The following RANBP9 variants were observed in gnomAD, a reference collection of about 807,000 sequenced individuals.
The protein encoded by RANBP9 is ran-binding protein 9.
A neutral mutation model predicts 84.3 loss-of-function variants in RANBP9; 15 were observed. The ratio of observed to expected loss-of-function variants is 0.18; its 90% CI spans 0.12 to 0.27. RANBP9 has a LOEUF of 0.27. Ranked by LOEUF, RANBP9 falls within the 10% of genes least tolerant of loss-of-function variation. The probability of loss-of-function intolerance (pLI) is 1.00; values close to 1 mark genes in which losing one functional copy is unlikely to be tolerated. For missense variants in RANBP9, 809 were observed against 912.8 expected (o/e 0.89, Z 1.46); for synonymous variants, 392 against 349.6 (o/e 1.12, Z -1.35).
intron 2 of RANBP9, among the ~76,000 whole-genome samples, chr6:13,681,255 G>T (rs2113329004): frequency 6.6e-6 from 1 of 152,220 alleles, no homozygotes; most frequent in East Asian, 1.9e-4. Context: ...GTTGTGAGGA[G>T]TTGGGGGTGG....
intron 2 of RANBP9, among the ~76,000 whole-genome samples, chr6:13,672,863 C>T (rs1362065685): frequency 6.7e-6 from 1 of 149,846 alleles, no homozygotes; most frequent in Non-Finnish European, 1.5e-5. Flanking sequence ...AAAAAAACAA[C>T]AATCAGTGAG....
chr6:13,660,314 G>A (rs1312152323), intron 2 of RANBP9, among the ~76,000 whole-genome samples: 1 of 152,128 alleles, frequency 6.6e-6, no homozygotes, highest in Non-Finnish European at 1.5e-5. Flanking sequence ...TTCAAGACCA[G>A]CCTGGGCAAC....
At chr6:13,697,439 C>T (rs1757866000) in intron 1 of RANBP9, among the ~76,000 whole-genome samples, 1 of 152,158 alleles carries the variant, frequency 6.6e-6, no homozygotes, top group Non-Finnish European at 1.5e-5. Flanking sequence ...TTAATTAAAG[C>T]TGATTCATAA....
intron 2 of RANBP9, among the ~76,000 whole-genome samples, chr6:13,659,771 T>A (rs1487680355): frequency 1.3e-5 from 2 of 152,104 alleles, no homozygotes; most frequent in Non-Finnish European, 2.9e-5. Flanking sequence ...ACTATGAGAC[T>A]TTTCCCCCAA....
rs752552782 is a variant in RANBP9, at chr6:13,637,903, A to G, written c.1578T>C (p.Tyr526=). ...GVISNKAHQS[Y]CHSNKHQSSN... is the part of the protein sequence containing the mutation. ...ATGACTGGTGTTTATTACTATGGCAATATGATTGATGTGCTTTATTTGATA... is the reference window on the plus strand; with the variant it reads ...ATGACTGGTGTTTATTACTATGGCAGTATGATTGATGTGCTTTATTTGATA... Residue 526 remains tyrosine, a synonymous_variant, in exon 10 of 14, where the codon TAT becomes TAC. Transcript: ENST00000011619. The G allele has an allele frequency of 4.3e-6, 7 of 1,609,446 alleles. No individual in the cohort carries two copies. The highest frequency in any genetic ancestry group is 6.0e-6 in the Non-Finnish European group (7 of 1,176,100).
intron 2 of RANBP9, among the ~76,000 whole-genome samples, chr6:13,669,637 C>G (rs1366657084): frequency 6.6e-6 from 1 of 152,170 alleles, no homozygotes; most frequent in South Asian, 2.1e-4. Flanking sequence ...TTTAACCAGG[C>G]TGCAGTGCAG....
chr6:13,663,650 G>C (rs1318437354), intron 2 of RANBP9, among the ~76,000 whole-genome samples: 1 of 151,946 alleles, frequency 6.6e-6, no homozygotes, highest in Non-Finnish European at 1.5e-5. Context: ...AAAAATAGCA[G>C]AGACATAAAG....
At chr6:13,677,797 T>C (rs922205065) in intron 2 of RANBP9, among the ~76,000 whole-genome samples, 1 of 152,118 alleles carries the variant, frequency 6.6e-6, no homozygotes, top group Non-Finnish European at 1.5e-5. Context: ...CATAGTAGTG[T>C]TATAAAATCA....
intron 13 of RANBP9, among the ~76,000 whole-genome samples, chr6:13,623,754 TTAA>T (rs1171902814): frequency 6.6e-6 from 1 of 152,184 alleles, no homozygotes; most frequent in Admixed American, 6.5e-5. Flanking sequence ...CTATAGCAGT[TTAA>T]TAATTGTGTC....
At chr6:13,696,205 G>A (rs1252033692) in intron 2 of RANBP9, among the ~76,000 whole-genome samples, 1 of 152,006 alleles carries the variant, frequency 6.6e-6, no homozygotes, top group Non-Finnish European at 1.5e-5. Context: ...ATTTTTAATA[G>A]TCTCATAAGT....
At position 13,621,785 on chromosome 6, in the gene RANBP9, T is replaced by TAACA. The variant is rs1290069304; in HGVS notation, c.*573_*576dup. 1 of 152,656 alleles carries TAACA rather than the reference T, an allele frequency of 6.6e-6. No homozygotes were observed. Among genetic ancestry groups the TAACA allele is most frequent in the Non-Finnish European group, 1.5e-5 (1 of 68,032 alleles). 9.5% of individuals were successfully genotyped at this position (152,656 alleles called of 1,614,324 possible). A position where few individuals can be genotyped will look rare whatever the true frequency, so the allele number is the denominator to read the frequency against. On this transcript the variant is annotated 3_prime_UTR_variant, in exon 14 of 14. Coordinates refer to ENST00000011619, the MANE Select transcript of RANBP9 (RefSeq NM_005493.3). ...CATGTTAAAACAAAACTACTGGGAC[T>TAACA]AACAGGTCGGGATTGTAAGTAGCAA...
At chr6:13,665,851 T>C (rs762885177) in intron 2 of RANBP9, among the ~76,000 whole-genome samples, 38 of 152,176 alleles carry the variant, frequency 2.5e-4, no homozygotes, top group Non-Finnish European at 5.0e-4. Context: ...TCAAGGAAGC[T>C]TTACATACAA....
chr6:13,655,558 TAAA>T (rs1310428856), intron 4 of RANBP9, among the ~76,000 whole-genome samples: 6 of 152,182 alleles, frequency 3.9e-5, no homozygotes, highest in African/African-American at 9.6e-5. Flanking sequence ...TCTTACATTT[TAAA>T]AATAGCTTTC....
At chr6:13,689,921 C>A (rs566377351) in intron 2 of RANBP9, among the ~76,000 whole-genome samples, 22 of 152,156 alleles carry the variant, frequency 1.4e-4, no homozygotes, top group African/African-American at 4.6e-4. Context: ...CACCATATAC[C>A]AACAGTTTGG....
chr6:13,694,430 A>G (rs954066180), intron 2 of RANBP9, among the ~76,000 whole-genome samples: 1 of 152,258 alleles, frequency 6.6e-6, no homozygotes, highest in African/African-American at 2.4e-5. Flanking sequence ...TTCCATTTAT[A>G]TGCCATTCTT....
chr6:13,675,477 G>A (rs1252250232), intron 2 of RANBP9, among the ~76,000 whole-genome samples: 1 of 152,072 alleles, frequency 6.6e-6, no homozygotes, highest in Non-Finnish European at 1.5e-5. Flanking sequence ...CAAAATTTGT[G>A]GGATGCAGTG....
rs541552624 is a variant in RANBP9 at position 13,692,542 on chromosome 6, A to C, written c.683+4243T>G. Among the ~76,000 whole-genome samples the C allele has an allele frequency of 4.5e-3, 655 of 146,008 alleles. 4 individuals are homozygous for C. Among genetic ancestry groups the C allele is most frequent in the African/African-American group, 0.016 (625 of 39,536 alleles). ...AACTCCGTCTCAAAAAAAAAAAAAAAAAAAAAAAAAAACACAAAAAACAAA... is the reference window on the plus strand; with the variant it reads ...AACTCCGTCTCAAAAAAAAAAAAAACAAAAAAAAAAAACACAAAAAACAAA... On this transcript the variant is annotated intron_variant, in intron 2 of 13. Transcript: ENST00000011619.
intron 2 of RANBP9, among the ~76,000 whole-genome samples, chr6:13,690,999 T>C (rs1170555382): frequency 6.6e-6 from 1 of 151,940 alleles, no homozygotes; most frequent in Non-Finnish European, 1.5e-5. Context: ...AAACCCCATC[T>C]CTCCTGAAAA....
At chr6:13,625,095 T>C (rs964118963) in intron 13 of RANBP9, among the ~76,000 whole-genome samples, 7 of 152,222 alleles carry the variant, frequency 4.6e-5, no homozygotes, top group Non-Finnish European at 8.8e-5. Context: ...ACTTCCATTT[T>C]CATTCTCTCC....
Sources: allele counts gnomAD v4.1 joint callset (sites outside exome capture counted in the v4.1 genomes callset), GRCh38; gene constraint gnomAD v4.1.1; transcripts MANE v1.5; gene names NCBI Gene and HGNC (gene_info 2026-07-23, HGNC 2026-07-21).